MPP7: variants seen among roughly 807,000 people sequenced by gnomAD.
MPP7 encodes MAGUK p55 scaffold protein 7, also known as MAGUK p55 subfamily member 7.
A neutral mutation model predicts 76.5 loss-of-function variants in MPP7; 60 were observed. The ratio of observed to expected loss-of-function variants is 0.78; its 90% CI spans 0.64 to 0.97. MPP7 has a LOEUF of 0.97. MPP7 is among the 50% of genes least tolerant of loss of function. The pLI, the probability that MPP7 is intolerant of heterozygous loss-of-function variation, is 0.00. For missense variants in MPP7, 641 were observed against 694.0 expected (o/e 0.92, Z 0.86); for synonymous variants, 237 against 244.5 (o/e 0.97, Z 0.29).
intron 3 of MPP7, among the ~76,000 whole-genome samples, chr10:28,185,299 T>C (rs1468400133): frequency 6.6e-6 from 1 of 151,900 alleles, no homozygotes; most frequent in Non-Finnish European, 1.5e-5. Flanking sequence ...ATCTTATTCT[T>C]GGCACAGCCA....
chr10:28,144,437 C>T (rs1411295776), intron 5 of MPP7, among the ~76,000 whole-genome samples: 1 of 152,072 alleles, frequency 6.6e-6, no homozygotes, highest in Admixed American at 6.5e-5. Context: ...GGCATGAAGC[C>T]GACTATCCTG....
At position 28,058,518 on chromosome 10, in the gene MPP7, A is replaced by T; in HGVS notation, c.1384T>A (p.Cys462Ser). 1 of 1,601,478 alleles carries T rather than the reference A, an allele frequency of 6.2e-7. No homozygotes were observed. Among genetic ancestry groups the T allele is most frequent in the Non-Finnish European group, 8.5e-7 (1 of 1,173,426 alleles). ...ACATGAGGCTGAACATCCAACAAAC[A>T]AACTTTGTTTTTAGCAAGGACAGAC... is the stretch of plus-strand genomic sequence containing the variant. Reference protein sequence around the residue: ...VRSVLAKNKVCLLDVQPHTVK... With the variant: ...VRSVLAKNKVSLLDVQPHTVK... Residue 462 changes from cysteine to serine, a missense_variant, in exon 15 of 17, where the codon TGT becomes AGT. Transcript: ENST00000683449.
At chr10:28,245,710 C>T (rs561386126) in intron 1 of MPP7, among the ~76,000 whole-genome samples, 1 of 151,140 alleles carries the variant, frequency 6.6e-6, no homozygotes, top group African/African-American at 2.4e-5. Flanking sequence ...GGCTGGAGTA[C>T]AGTGGTGCGA....
At chr10:28,164,296 T>C (rs1781834) in intron 3 of MPP7, among the ~76,000 whole-genome samples, 113,520 of 151,920 alleles carry the variant, frequency 0.75, 42,564 homozygotes, top group Middle Eastern at 0.84. Flanking sequence ...CCGCAGATGC[T>C]GGCATCTCAG....
At chr10:28,218,034 C>T (rs900815637) in intron 2 of MPP7, among the ~76,000 whole-genome samples, 7 of 152,152 alleles carry the variant, frequency 4.6e-5, no homozygotes, top group African/African-American at 9.7e-5. Context: ...GGAGACTTTA[C>T]GCCTAAATGA....
rs1851369283 is a variant in MPP7, at chr10:28,051,784, G to C, written c.*2281C>G. On this transcript the variant is annotated 3_prime_UTR_variant, in exon 17 of 17. Coordinates refer to ENST00000683449, the MANE Select transcript of MPP7 (RefSeq NM_001318170.2). The stretch of plus-strand genomic sequence containing the variant: ...CCACGTCTACCGGCTGGGCACGGTG[G>C]ATCATGCCTGTAATCCCAGCACTTT... The C allele has an allele frequency of 6.6e-6, 1 of 152,022 alleles. No individual in the cohort carries two copies. Among genetic ancestry groups the C allele is most frequent in the Admixed American group, 6.6e-5 (1 of 15,238 alleles). 9.4% of individuals were successfully genotyped at this position (152,022 alleles called of 1,614,324 possible).
chr10:28,293,710 C>T (rs1222046107), intron 1 of MPP7, among the ~76,000 whole-genome samples: 2 of 152,206 alleles, frequency 1.3e-5, no homozygotes, highest in African/African-American at 2.4e-5. Flanking sequence ...GGTCCCTTCA[C>T]CCAACCAGCA....
intron 1 of MPP7, among the ~76,000 whole-genome samples, chr10:28,299,411 T>A (rs1841101571): frequency 6.6e-6 from 1 of 152,180 alleles, no homozygotes; most frequent in Non-Finnish European, 1.5e-5. Flanking sequence ...AGAACATATG[T>A]AACATTTATC....
At chr10:28,054,961 G>A (rs1851500682) in intron 16 of MPP7, among the ~76,000 whole-genome samples, 1 of 152,202 alleles carries the variant, frequency 6.6e-6, no homozygotes, top group South Asian at 2.1e-4. Flanking sequence ...TTACAGGCAT[G>A]AGCCACCACG....
chr10:28,104,147 C>A (rs1415431888), intron 11 of MPP7, among the ~76,000 whole-genome samples: 1 of 151,906 alleles, frequency 6.6e-6, no homozygotes, highest in Non-Finnish European at 1.5e-5. Flanking sequence ...AAGAAAAATA[C>A]CTACATGCTC....
At chr10:28,252,792 C>T (rs1015397735) in intron 1 of MPP7, among the ~76,000 whole-genome samples, 3 of 152,146 alleles carry the variant, frequency 2.0e-5, no homozygotes, top group Non-Finnish European at 2.9e-5. Context: ...GCAAATATTT[C>T]TCCTGATAAT....
Position 28,195,248 on chromosome 10 carries a change from G to A in MPP7, c.156+6905C>T, listed in dbSNP as rs77259702. On this transcript the variant is annotated intron_variant, in intron 3 of 16. Coordinates refer to ENST00000683449, the MANE Select transcript of MPP7 (RefSeq NM_001318170.2). ...ATCAAAAAGTCAGATAAAAACAAAT[G>A]TTGGTGAAGATACAGACAAATCAGA... 9.1e-3 allele frequency among the ~76,000 whole-genome samples: 1,390 copies of A among 152,286 alleles called. 23 individuals carry two copies. Among genetic ancestry groups the A allele is most frequent in the East Asian group, 0.058 (300 of 5,182 alleles).
At chr10:28,189,723 A>G (rs1267198105) in intron 3 of MPP7, among the ~76,000 whole-genome samples, 1 of 152,092 alleles carries the variant, frequency 6.6e-6, no homozygotes, top group East Asian at 1.9e-4. Flanking sequence ...GGTCAACTAA[A>G]AGCAGAGAAG....
chr10:28,270,220 G>A (rs1201807037), intron 1 of MPP7, among the ~76,000 whole-genome samples: 1 of 152,166 alleles, frequency 6.6e-6, no homozygotes, highest in Non-Finnish European at 1.5e-5. Context: ...ATAAAGCTAA[G>A]GTCAAGGCAA....
At chr10:28,330,479 G>T (rs912463220) in intron 1 of MPP7, among the ~76,000 whole-genome samples, 21 of 136,550 alleles carry the variant, frequency 1.5e-4, no homozygotes, top group Admixed American at 1.1e-3. Flanking sequence ...TTAATTTTTA[G>T]ACTTTTTTAA....
intron 1 of MPP7, 30 bp from the exon 2 acceptor site, chr10:28,238,765 T>A: frequency 1.5e-6 from 1 of 646,340 alleles, no homozygotes; most frequent in East Asian, 2.7e-5. Context: ...TTATATTTTT[T>A]AAAAAGGGAC....
intron 2 of MPP7, among the ~76,000 whole-genome samples, chr10:28,315,938 A>G (rs1174255906): frequency 6.6e-6 from 1 of 152,180 alleles, no homozygotes; most frequent in East Asian, 1.9e-4. Context: ...CAGTCATGAG[A>G]AAAACATCAG....
At chr10:28,328,617 G>C (rs1039373617) in intron 2 of MPP7, among the ~76,000 whole-genome samples, 1 of 147,486 alleles carries the variant, frequency 6.8e-6, no homozygotes, top group Non-Finnish European at 1.5e-5. Flanking sequence ...ATTCCAAATA[G>C]AGTAGAAAGG....
chr10:28,316,435 TAA>T (rs549621404), intron 2 of MPP7, among the ~76,000 whole-genome samples: 38 of 37,132 alleles, frequency 1.0e-3, no homozygotes, highest in East Asian at 2.4e-3. Context: ...ACTCTGTCTT[TAA>T]AAAAAAAAAA....
Sources: allele counts gnomAD v4.1 joint callset (sites outside exome capture counted in the v4.1 genomes callset), GRCh38; gene constraint gnomAD v4.1.1; transcripts MANE v1.5; gene names NCBI Gene and HGNC (gene_info 2026-07-23, HGNC 2026-07-21).